Variants in CD2AP observed in about 807,000 individuals in gnomAD.
The protein encoded by CD2AP is CD2 associated protein.
Under a neutral mutation model 85.1 loss-of-function variants are expected in CD2AP, and 46 were observed. That is an observed-to-expected ratio of 0.54 (90% CI 0.43 to 0.69). The LOEUF is 0.69. CD2AP is among the 30% of genes least tolerant of loss of function. The pLI, the probability that CD2AP is intolerant of heterozygous loss-of-function variation, is 0.00. For missense variants in CD2AP, 769 were observed against 729.5 expected (o/e 1.05, Z -0.62); for synonymous variants, 255 against 252.9 (o/e 1.01, Z -0.08).
At chr6:47,500,185 AC>A (rs1318451772) in intron 1 of CD2AP, among the ~76,000 whole-genome samples, 1 of 152,062 alleles carries the variant, frequency 6.6e-6, no homozygotes, top group East Asian at 1.9e-4. Context: ...TTGTAGATTA[AC>A]CCTTCAGTTT....
chr6:47,544,803 CTGT>C lies in CD2AP; in HGVS notation c.420+101_420+103del, dbSNP rs1767323542. On this transcript the variant is annotated intron_variant, in intron 4 of 17. Transcript: ENST00000359314. ...TAAGAATATTAGTCTTTTGTGAGAACTGTTGTCACTTTTTAAAAAAAATGGTAT... is the reference window on the plus strand; with the variant it reads ...TAAGAATATTAGTCTTTTGTGAGAACTGTCACTTTTTAAAAAAAATGGTAT... 5.3e-6 allele frequency: 4 copies of C among 758,640 alleles called. No individual in the cohort carries two copies. The African/African-American group carries it at 7.0e-5, about 13-fold the overall frequency. The allele number at this position is 758,640 out of a possible 1,614,324, so 47.0% of individuals were successfully genotyped here. A position where few individuals can be genotyped will look rare whatever the true frequency, so the allele number is the denominator to read the frequency against.
rs766456040 is a variant in CD2AP at position 47,579,369 on chromosome 6, C to G, written c.904-16C>G. On this transcript the variant is annotated splice_polypyrimidine_tract_variant and intron_variant, in intron 8 of 17. Transcript: ENST00000359314. ...AAAAAGGTCTATTGTCTTAATTATT[C>G]TATTTTGCTTTTTAGGAGACTGGAG... 208 of 1,170,926 alleles carry G rather than the reference C, an allele frequency of 1.8e-4. No homozygotes were observed. Among genetic ancestry groups the G allele is most frequent in the South Asian group, 2.7e-4 (22 of 82,130 alleles). 72.5% of individuals were successfully genotyped at this position (1,170,926 alleles called of 1,614,324 possible). A position where few individuals can be genotyped will look rare whatever the true frequency, so the allele number is the denominator to read the frequency against.
At position 47,566,323 on chromosome 6, in the gene CD2AP, T is replaced by TATACACACACAC; in HGVS notation, c.542-7740_542-7739insTACACACACACA. Among the ~76,000 whole-genome samples, 203 of 108,414 alleles carry TATACACACACAC rather than the reference T, an allele frequency of 1.9e-3. 8 individuals carry two copies. The highest frequency in any genetic ancestry group is 3.2e-3 in the Admixed American group (35 of 10,882). The allele number at this position is 108,414 out of a possible 152,430, so 71.1% of individuals were successfully genotyped here. The stretch of plus-strand genomic sequence containing the variant: ...TAGAATATATATATATATATATATA[T>TATACACACACAC]ACACATACACATATATATATATGTA... On this transcript the variant is annotated intron_variant, in intron 5 of 17. Coordinates refer to ENST00000359314, the MANE Select transcript of CD2AP (RefSeq NM_012120.3).
intron 11 of CD2AP, among the ~76,000 whole-genome samples, chr6:47,582,754 G>A (rs1022028873): frequency 6.7e-6 from 1 of 148,874 alleles, no homozygotes; most frequent in African/African-American, 2.5e-5. Flanking sequence ...CATACTTCAT[G>A]TTGTTGCCAG....
Position 47,595,938 on chromosome 6 carries a change from A to C in CD2AP, c.1186A>C (p.Thr396Pro). 6.2e-7 allele frequency: 1 copy of C among 1,612,654 alleles called. No homozygotes were observed. The highest frequency in any genetic ancestry group is 8.5e-7 in the Non-Finnish European group (1 of 1,178,880). ...CCCACCCAAGAAACCTACTCCACCT[A>C]CCAAAGCCAGTAATTTACTGAGATC... is the stretch of plus-strand genomic sequence containing the variant. ...QVPPKKPTPP[T>P]KASNLLRSSG... is the part of the protein sequence containing the mutation. Residue 396 changes from threonine (T) to proline (P), a missense_variant, in exon 12 of 18, where the codon ACC becomes CCC. Thr to Pro is a conservative substitution (Grantham distance 38, BLOSUM62 -1). Coordinates refer to ENST00000359314, the MANE Select transcript of CD2AP (RefSeq NM_012120.3).
intron 1 of CD2AP, among the ~76,000 whole-genome samples, chr6:47,497,579 A>AT (rs1411370734): frequency 1.3e-5 from 2 of 151,742 alleles, no homozygotes; most frequent in South Asian, 2.1e-4. Flanking sequence ...TCCTGACTAC[A>AT]TTTTTTTGGT....
At chr6:47,566,224 CTT>C (rs1037420760) in intron 5 of CD2AP, among the ~76,000 whole-genome samples, 1 of 143,236 alleles carries the variant, frequency 7.0e-6, no homozygotes, top group Non-Finnish European at 1.5e-5. Flanking sequence ...ATTCTCTTCT[CTT>C]TTTTTTTTAA....
At chr6:47,607,885 C>T in intron 14 of CD2AP, 42 bp from the exon 15 acceptor site, 1 of 1,333,538 alleles carries the variant, frequency 7.5e-7, no homozygotes, top group Non-Finnish European at 1.1e-6. Flanking sequence ...CTTTTCTTTT[C>T]TTTGGTCTAT....
At chr6:47,576,048 GTGC>G (rs1315875790) in intron 6 of CD2AP, among the ~76,000 whole-genome samples, 4 of 152,096 alleles carry the variant, frequency 2.6e-5, no homozygotes, top group Non-Finnish European at 5.9e-5. Flanking sequence ...AAGTTCTCAA[GTGC>G]TGTTGTTTTT....
rs368742780 is a variant in CD2AP at position 47,581,999 on chromosome 6, A to G, written c.1046-4A>G. 1.7e-5 allele frequency: 27 copies of G among 1,594,116 alleles called. No individual in the cohort carries two copies. Among genetic ancestry groups the G allele is most frequent in the South Asian group, 1.3e-4 (12 of 90,576 alleles). On this transcript the variant is annotated splice_region_variant and splice_polypyrimidine_tract_variant and intron_variant, in intron 10 of 17. Coordinates refer to ENST00000359314, the MANE Select transcript of CD2AP (RefSeq NM_012120.3). The stretch of plus-strand genomic sequence containing the variant: ...TAAAAAAGTATTAATGTTTTTTCCC[A>G]TAGCTCCAAAGCCTGAACTGATAGC...
chr6:47,599,727 T>A (rs1181953960), intron 13 of CD2AP, among the ~76,000 whole-genome samples: 2 of 152,078 alleles, frequency 1.3e-5, no homozygotes, highest in African/African-American at 4.8e-5. Context: ...TATAGTGGAA[T>A]GACTGTACTA....
chr6:47,622,301 C>T (rs1321605991), intron 17 of CD2AP, among the ~76,000 whole-genome samples: 3 of 152,192 alleles, frequency 2.0e-5, no homozygotes, highest in African/African-American at 4.8e-5. Context: ...GTTCTTCCCT[C>T]GCCTGTGGAG....
At position 47,498,348 on chromosome 6, in the gene CD2AP, A is replaced by G. The variant is rs1280516491; in HGVS notation, c.5-4932A>G. 2.0e-5 allele frequency among the ~76,000 whole-genome samples: 3 copies of G among 152,134 alleles called. No individual in the cohort carries two copies. In the East Asian group the frequency reaches 5.8e-4, roughly 29 times the overall value. ...TCAATCTTTTGTAGATGAAATTTTT[A>G]TTTCCTGTCAGAGAGCTTTCTAGGA... On this transcript the variant is annotated intron_variant, in intron 1 of 17. Coordinates refer to ENST00000359314, the MANE Select transcript of CD2AP (RefSeq NM_012120.3).
intron 8 of CD2AP, among the ~76,000 whole-genome samples, chr6:47,577,789 G>C (rs1386331592): frequency 6.6e-6 from 1 of 151,796 alleles, no homozygotes; most frequent in Non-Finnish European, 1.5e-5. Context: ...TGTTGTCCAG[G>C]CTGGTCTCAA....
At chr6:47,589,350 G>T (rs1768711409) in intron 11 of CD2AP, among the ~76,000 whole-genome samples, 1 of 51,718 alleles carries the variant, frequency 1.9e-5, no homozygotes. Context: ...CATTTAAGAA[G>T]TTGTTTGATG....
chr6:47,559,781 C>G (rs1034585213), intron 5 of CD2AP, among the ~76,000 whole-genome samples: 1 of 152,122 alleles, frequency 6.6e-6, no homozygotes, highest in East Asian at 1.9e-4. Context: ...GCAGCTTTTT[C>G]CCACCTAATT....
chr6:47,582,369 A>T (rs1768503662), intron 11 of CD2AP: 1 of 217,562 alleles, frequency 4.6e-6, no homozygotes, highest in Non-Finnish European at 9.4e-6. Context: ...TTCAGTTTTT[A>T]AAAAATTCCT....
intron 11 of CD2AP, among the ~76,000 whole-genome samples, chr6:47,592,004 T>C (rs1320978554): frequency 6.6e-6 from 1 of 152,036 alleles, no homozygotes; most frequent in Non-Finnish European, 1.5e-5. Context: ...TTTTAATTTA[T>C]TTTTTTCTTT....
intron 1 of CD2AP, among the ~76,000 whole-genome samples, chr6:47,481,315 A>G (rs922732231): frequency 6.6e-6 from 1 of 152,134 alleles, no homozygotes; most frequent in Non-Finnish European, 1.5e-5. Flanking sequence ...CTCGTATATA[A>G]AACATATCAG....
Sources: allele counts gnomAD v4.1 joint callset (sites outside exome capture counted in the v4.1 genomes callset), GRCh38; gene constraint gnomAD v4.1.1; transcripts MANE v1.5; gene names NCBI Gene and HGNC (gene_info 2026-07-23, HGNC 2026-07-21).